Variants in RMDN3 observed in about 807,000 individuals in gnomAD.
RMDN3 encodes regulator of microtubule dynamics protein 3.
A neutral mutation model predicts 61.8 loss-of-function variants in RMDN3; 41 were observed. That is an observed-to-expected ratio of 0.66 (90% CI 0.52 to 0.86). The LOEUF (loss-of-function observed/expected upper bound fraction) is 0.86, where lower values mean the gene tolerates loss of function less well. Ranked by LOEUF, RMDN3 falls within the 40% of genes least tolerant of loss-of-function variation. The probability of loss-of-function intolerance (pLI) is 0.00; values close to 1 mark genes in which losing one functional copy is unlikely to be tolerated. For missense variants in RMDN3, 557 were observed against 585.3 expected (o/e 0.95, Z 0.50); for synonymous variants, 247 against 232.0 (o/e 1.06, Z -0.59).
At chr15:40,751,373 TAC>T in intron 4 of RMDN3, 51 bp downstream of exon 4, 1 of 1,590,740 alleles carries the variant, frequency 6.3e-7, no homozygotes, top group Non-Finnish European at 8.6e-7. Context: ...ATAATACTTT[TAC>T]AAAACACAAC....
In RMDN3 at chr15:40,755,217, G is replaced by C. The variant is rs1566813287; in HGVS notation, c.-142C>G. On this transcript the variant is annotated 5_prime_UTR_variant, in exon 1 of 13. Transcript: ENST00000338376. ...CCCTTACCCGGCCGCCAGCCACCAT[G>C]GCAGCAGCCGCCGCGGGCTCACGCT... 6.5e-6 allele frequency: 1 copy of C among 154,226 alleles called. No individual in the cohort carries two copies. The highest frequency in any genetic ancestry group is 2.4e-5 in the African/African-American group (1 of 41,486). 9.6% of individuals were successfully genotyped at this position (154,226 alleles called of 1,614,324 possible). A position where few individuals can be genotyped will look rare whatever the true frequency, so the allele number is the denominator to read the frequency against.
chr15:40,746,641 T>C (rs1298975220), intron 4 of RMDN3, among the ~76,000 whole-genome samples: 1 of 151,984 alleles, frequency 6.6e-6, no homozygotes, highest in Non-Finnish European at 1.5e-5. Flanking sequence ...AGAAGTGCTG[T>C]CCTGCCCAGA....
intron 10 of RMDN3, 120 bp from the exon 11 acceptor site, chr15:40,737,461 C>T: frequency 8.6e-7 from 1 of 1,169,582 alleles, no homozygotes; most frequent in Non-Finnish European, 1.3e-6. Flanking sequence ...CTGAAGAAAC[C>T]TATATTTTTG....
Position 40,745,264 on chromosome 15 carries a change from C to G in RMDN3, c.525-5G>C. The G allele has an allele frequency of 6.2e-7, 1 of 1,612,776 alleles. No homozygotes were observed. Among genetic ancestry groups the G allele is most frequent in the Non-Finnish European group, 8.5e-7 (1 of 1,179,632 alleles). On this transcript the variant is annotated splice_region_variant and splice_polypyrimidine_tract_variant and intron_variant, in intron 4 of 12. Transcript: ENST00000338376. ...TCCGCATTGGCTGTTGTGTAACTGG[C>G]AGAGAAATGTAAGGGACAACAAGAG...
intron 8 of RMDN3, 64 bp from the exon 9 acceptor site, chr15:40,738,106 G>A: frequency 1.3e-6 from 2 of 1,535,934 alleles, no homozygotes; most frequent in Non-Finnish European, 1.8e-6. Context: ...AGAGGCAAGG[G>A]CCGGATGCAG....
chr15:40,741,335 A>G (rs907443235), intron 6 of RMDN3, among the ~76,000 whole-genome samples: 7 of 151,940 alleles, frequency 4.6e-5, no homozygotes, highest in Non-Finnish European at 7.4e-5. Context: ...GGCAGACCCC[A>G]TCTCTTTAAA....
chr15:40,744,439 C>CT, intron 5 of RMDN3: 2 of 300,746 alleles, frequency 6.7e-6, no homozygotes, highest in Non-Finnish European at 1.3e-5. Context: ...TCATAAGGCA[C>CT]GAGAGGTCTT....
intron 4 of RMDN3, among the ~76,000 whole-genome samples, chr15:40,748,617 T>G (rs541689618): frequency 2.0e-5 from 3 of 152,338 alleles, no homozygotes; most frequent in South Asian, 4.1e-4. Context: ...TTTATTTTTT[T>G]GGGATGGAGT....
At chr15:40,745,683 G>T (rs1266241666) in intron 4 of RMDN3, among the ~76,000 whole-genome samples, 1 of 152,084 alleles carries the variant, frequency 6.6e-6, no homozygotes, top group Non-Finnish European at 1.5e-5. Context: ...TTATTTGAGA[G>T]AAAGTTTCCT....
At chr15:40,751,700 A>AC in intron 3 of RMDN3, 131 bp from the exon 4 acceptor site, 1 of 1,402,880 alleles carries the variant, frequency 7.1e-7, no homozygotes, top group African/African-American at 1.4e-5. Flanking sequence ...TAAGTCTCTA[A>AC]CCCTCAGGAG....
At chr15:40,738,760 T>G in intron 7 of RMDN3, 184 bp from the exon 8 acceptor site, 1 of 614,566 alleles carries the variant, frequency 1.6e-6, no homozygotes, top group Non-Finnish European at 2.9e-6. Context: ...CAATTAGTAT[T>G]CTTTAGTAGA....
At chr15:40,754,839 G>A (rs957402103) in intron 1 of RMDN3, 49 bp from the exon 2 acceptor site, 3 of 800,824 alleles carry the variant, frequency 3.7e-6, no homozygotes, top group African/African-American at 3.6e-5. Context: ...CGGGCGGGCG[G>A]GGGTAAGGAG....
chr15:40,740,171 A>AG lies in RMDN3; in HGVS notation c.932dup (p.Leu312SerfsTer6). The AG allele has an allele frequency of 6.2e-7, 1 of 1,612,192 alleles. No individual in the cohort carries two copies. ...CAGCACTCTCATCCCCCTTCTCCAGAGCAGCCTCTGCTTCTTCTTTTCCTG... is the reference window on the plus strand; with the variant it reads ...CAGCACTCTCATCCCCCTTCTCCAGAGGCAGCCTCTGCTTCTTCTTTTCCTG... On this transcript the variant is annotated frameshift_variant, in exon 7 of 13. Transcript: ENST00000338376. LOFTEE classifies it high-confidence loss of function.
Position 40,740,122 on chromosome 15 carries a change from G to C in RMDN3, c.971+11C>G. On this transcript the variant is annotated intron_variant, in intron 7 of 12. Coordinates refer to ENST00000338376, the MANE Select transcript of RMDN3 (RefSeq NM_018145.3). ...GCTGGCTCTTCCCAGAACACTGCAG[G>C]GTGTTATTACCACAGGTGACAGTCA... 1 of 1,583,508 alleles carries C rather than the reference G, an allele frequency of 6.3e-7. No individual in the cohort carries two copies. Among genetic ancestry groups the C allele is most frequent in the Non-Finnish European group, 8.7e-7 (1 of 1,153,178 alleles).
At chr15:40,748,785 A>T (rs1897686310) in intron 4 of RMDN3, among the ~76,000 whole-genome samples, 1 of 152,066 alleles carries the variant, frequency 6.6e-6, no homozygotes, top group Admixed American at 6.6e-5. Flanking sequence ...TTTTTAGTAG[A>T]GACAGGGTTT....
intron 4 of RMDN3, among the ~76,000 whole-genome samples, chr15:40,749,808 G>A (rs1357945885): frequency 6.6e-6 from 1 of 152,152 alleles, no homozygotes; most frequent in Non-Finnish European, 1.5e-5. Context: ...GAGCCATTTA[G>A]GTAAATTGAA....
intron 6 of RMDN3, among the ~76,000 whole-genome samples, chr15:40,742,598 A>G (rs561477159): frequency 6.6e-6 from 1 of 152,360 alleles, no homozygotes; most frequent in South Asian, 2.1e-4. Flanking sequence ...ATACCCAGTA[A>G]GGATAATTCT....
In RMDN3 at chr15:40,736,567, C is replaced by A. The variant is rs1289896805; in HGVS notation, c.1387G>T (p.Glu463Ter). The A allele has an allele frequency of 2.5e-6, 4 of 1,613,924 alleles. No individual in the cohort carries two copies. In the Admixed American group the frequency reaches 5.0e-5, roughly 20 times the overall value. The change falls in exon 13 of 13, where the codon GAA becomes TAA. Residue 463 changes from glutamate (E) to a stop codon, truncating the protein, a stop_gained. Transcript: ENST00000338376. LOFTEE classifies it high-confidence loss of function. ...EDLAIQKDLE[E>*]LEVILRD Reference sequence around the variant, plus strand: ...TAGTCTCGTAAAATGACTTCCAGTTCTTCCAGGTCCTTCTGGATAGCCAAA... The same window carrying A: ...TAGTCTCGTAAAATGACTTCCAGTTATTCCAGGTCCTTCTGGATAGCCAAA...
chr15:40,737,322 C>G lies in RMDN3; in HGVS notation c.1244G>C (p.Gly415Ala), dbSNP rs1897095775. 6.2e-7 allele frequency: 1 copy of G among 1,614,020 alleles called. No homozygotes were observed. Among genetic ancestry groups the G allele is most frequent in the Non-Finnish European group, 8.5e-7 (1 of 1,179,920 alleles). ...SFLKAEELQP[G>A]FSKAGRVYIS... ...ATATACCCTTCCTGCTTTGGAAAAT[C>G]CTGGCTGTAGTTCTTCAGCCTGGGA... is the stretch of plus-strand genomic sequence containing the variant. Residue 415 changes from glycine (G) to alanine (A), a missense_variant, in exon 11 of 13, where the codon GGA (glycine) becomes GCA (alanine). Physicochemically the swap from Gly to Ala is moderately conservative, Grantham distance 60. Coordinates refer to ENST00000338376, the MANE Select transcript of RMDN3 (RefSeq NM_018145.3).
Sources: allele counts gnomAD v4.1 joint callset (sites outside exome capture counted in the v4.1 genomes callset), GRCh38; gene constraint gnomAD v4.1.1; transcripts MANE v1.5; gene names NCBI Gene and HGNC (gene_info 2026-07-23, HGNC 2026-07-21).